Variants in PAQR5 observed in about 807,000 individuals in gnomAD.
PAQR5 encodes the protein progestin and adipoQ receptor family member 5, also known as membrane progestin receptor gamma.
Under a neutral mutation model 34.5 loss-of-function variants are expected in PAQR5, and 20 were observed. That is an observed-to-expected ratio of 0.58 (90% CI 0.41 to 0.84). The LOEUF is 0.84. Among genes scored for constraint, PAQR5 ranks in the 40% least tolerant of loss-of-function variants. The probability of loss-of-function intolerance (pLI) is 0.00; values close to 1 mark genes in which losing one functional copy is unlikely to be tolerated. For missense variants in PAQR5, 378 were observed against 412.7 expected (o/e 0.92, Z 0.73); for synonymous variants, 131 against 155.6 (o/e 0.84, Z 1.18).
At chr15:69,403,058 C>G (rs1402964678) in intron 8 of PAQR5, among the ~76,000 whole-genome samples, 1 of 152,256 alleles carries the variant, frequency 6.6e-6, no homozygotes, top group Non-Finnish European at 1.5e-5. Context: ...ATTCAGCCAG[C>G]TTCTCCCTCA....
intron 2 of PAQR5, among the ~76,000 whole-genome samples, chr15:69,340,878 G>T (rs976322403): frequency 1.3e-5 from 2 of 152,144 alleles, no homozygotes; most frequent in African/African-American, 4.8e-5. Context: ...GCAGCAACAG[G>T]ATGTGTATAA....
At chr15:69,358,699 A>G (rs1001191712) in intron 2 of PAQR5, among the ~76,000 whole-genome samples, 5 of 124,088 alleles carry the variant, frequency 4.0e-5, no homozygotes, top group Non-Finnish European at 6.3e-5. Flanking sequence ...TGGCATGATC[A>G]TGGCTCACAG....
chr15:69,357,769 T>C (rs1304786936), intron 2 of PAQR5, among the ~76,000 whole-genome samples: 1 of 152,094 alleles, frequency 6.6e-6, no homozygotes, highest in Non-Finnish European at 1.5e-5. Context: ...ACTTAGAACA[T>C]AAATATAAGA....
intron 1 of PAQR5, among the ~76,000 whole-genome samples, chr15:69,327,531 C>T (rs12443206): frequency 0.037 from 5,593 of 152,188 alleles, 214 homozygotes; most frequent in East Asian, 0.15. Context: ...GTCTCAGTCT[C>T]CCCAGTGCCT....
chr15:69,348,131 CTG>C (rs2054821268), intron 2 of PAQR5, among the ~76,000 whole-genome samples: 1 of 152,182 alleles, frequency 6.6e-6, no homozygotes, highest in Admixed American at 6.5e-5. Context: ...CGCCTACTGG[CTG>C]TGTGATCTCG....
chr15:69,375,198 T>C lies in PAQR5; in HGVS notation c.52-4685T>C, dbSNP rs566478702. On this transcript the variant is annotated intron_variant, in intron 3 of 8. Coordinates refer to ENST00000395407, the MANE Select transcript of PAQR5 (RefSeq NM_017705.4). ...AGATCAAGGTTTGGACAGGGGCAGT[T>C]TCCTCCAAAGCCTCTCTCCTTGGCT... Among the ~76,000 whole-genome samples, 5 of 152,256 alleles carry C rather than the reference T, an allele frequency of 3.3e-5. No individual in the cohort carries two copies. In the South Asian group the frequency reaches 1.0e-3, roughly 32 times the overall value.
intron 7 of PAQR5, 55 bp downstream of exon 7, chr15:69,397,619 G>A (rs1182444089): frequency 7.7e-6 from 9 of 1,171,642 alleles, no homozygotes; most frequent in Non-Finnish European, 1.2e-5. Flanking sequence ...GAAGTCAGTT[G>A]TTTTCCTGAG....
intron 2 of PAQR5, among the ~76,000 whole-genome samples, chr15:69,347,745 C>G (rs909164254): frequency 2.0e-5 from 3 of 152,210 alleles, no homozygotes; most frequent in African/African-American, 7.2e-5. Context: ...TCCATAGACA[C>G]TGTGTCTTCT....
At chr15:69,350,139 A>AGG (rs1410354361) in intron 2 of PAQR5, among the ~76,000 whole-genome samples, 2 of 152,256 alleles carry the variant, frequency 1.3e-5, no homozygotes, top group Admixed American at 6.5e-5. Flanking sequence ...CCAGGGTAGC[A>AGG]GGGGCCGCGT....
intron 2 of PAQR5, among the ~76,000 whole-genome samples, chr15:69,340,823 G>A (rs1163892642): frequency 6.6e-6 from 1 of 152,216 alleles, no homozygotes; most frequent in African/African-American, 2.4e-5. Flanking sequence ...AAGAAGGGTG[G>A]ATTGAACTAG....
chr15:69,332,953 T>G (rs2140679966), intron 1 of PAQR5, among the ~76,000 whole-genome samples: 1 of 152,142 alleles, frequency 6.6e-6, no homozygotes, highest in South Asian at 2.1e-4. Context: ...AGTCGGGTAA[T>G]AAAAAATTTA....
Position 69,397,480 on chromosome 15 carries a change from C to G in PAQR5, c.525C>G (p.Ile175Met). 6.2e-7 allele frequency: 1 copy of G among 1,612,960 alleles called. No individual in the cohort carries two copies. Among genetic ancestry groups the G allele is most frequent in the Middle Eastern group, 1.6e-4 (1 of 6,062 alleles). ...GLSCYSRFLE[I>M]QKPRLCKVIR... The stretch of plus-strand genomic sequence containing the variant: ...TTCCCTGATTTAGGTTTCTTGAAAT[C>G]CAGAAGCCCAGACTCTGTAAGGTGA... Residue 175 changes from isoleucine to methionine, a missense_variant, in exon 7 of 9, where the codon ATC becomes ATG. Coordinates refer to ENST00000395407, the MANE Select transcript of PAQR5 (RefSeq NM_017705.4).
At chr15:69,299,418 C>G (rs557758436) in intron 1 of PAQR5, among the ~76,000 whole-genome samples, 1 of 152,340 alleles carries the variant, frequency 6.6e-6, no homozygotes, top group Non-Finnish European at 1.5e-5. Context: ...TCCCGCCGCC[C>G]CCACTTTAAT....
intron 1 of PAQR5, among the ~76,000 whole-genome samples, chr15:69,308,631 G>A (rs916211959): frequency 6.6e-6 from 1 of 152,082 alleles, no homozygotes; most frequent in African/African-American, 2.4e-5. Context: ...TCCCCAATGA[G>A]ATCCATTGGT....
At chr15:69,367,033 C>A (rs751270501) in intron 3 of PAQR5, among the ~76,000 whole-genome samples, 47 of 152,006 alleles carry the variant, frequency 3.1e-4, no homozygotes, top group Non-Finnish European at 6.2e-4. Flanking sequence ...TATCTCCTTC[C>A]TTTGACTTTC....
rs572166229 is a variant in PAQR5, at chr15:69,346,306, T to G, written c.-116+8805T>G. Among the ~76,000 whole-genome samples the G allele has an allele frequency of 1.5e-3, 203 of 134,162 alleles. 6 individuals are homozygous for G. Among genetic ancestry groups the G allele is most frequent in the African/African-American group, 5.4e-3 (193 of 35,546 alleles). The allele number at this position is 134,162 out of a possible 152,430, so 88.0% of individuals were successfully genotyped here. ...CCATGGATATTTTGTAATTTTTTTT[T>G]TTTTTTTTTTTTTTTTTGCGACAGG... is the stretch of plus-strand genomic sequence containing the variant. On this transcript the variant is annotated intron_variant, in intron 2 of 8. Coordinates refer to ENST00000395407, the MANE Select transcript of PAQR5 (RefSeq NM_017705.4).
At chr15:69,369,827 G>C (rs1356680965) in intron 3 of PAQR5, among the ~76,000 whole-genome samples, 2 of 149,924 alleles carry the variant, frequency 1.3e-5, no homozygotes, top group African/African-American at 4.9e-5. Flanking sequence ...CTTATCTTTA[G>C]ACTCCTAGCT....
Position 69,382,157 on chromosome 15 carries a change from G to T in PAQR5, c.179+2147G>T, listed in dbSNP as rs946417905. On this transcript the variant is annotated intron_variant, in intron 4 of 8. Coordinates refer to ENST00000395407, the MANE Select transcript of PAQR5 (RefSeq NM_017705.4). The stretch of plus-strand genomic sequence containing the variant: ...AGTTCTCTTGGCCTCGGCTTGCAAG[G>T]CTCCACCTGGGGCATTGCTTCTATT... 2.6e-5 allele frequency among the ~76,000 whole-genome samples: 4 copies of T among 152,178 alleles called. No individual in the cohort carries two copies. In the South Asian group the frequency reaches 6.2e-4, roughly 24 times the overall value.
At chr15:69,347,595 C>G (rs2054807844) in intron 2 of PAQR5, among the ~76,000 whole-genome samples, 1 of 152,060 alleles carries the variant, frequency 6.6e-6, no homozygotes. Context: ...CATTACAATC[C>G]CCGCCCCTCC....
Sources: gnomAD v4.1 joint callset for allele counts (sites outside exome capture counted in the v4.1 genomes callset) on GRCh38, gnomAD v4.1.1 for gene constraint, MANE v1.5 for transcripts, NCBI Gene and HGNC (gene_info 2026-07-23, HGNC 2026-07-21) for gene names.